The following NUTM2E variants were observed in gnomAD, a reference collection of about 807,000 sequenced individuals.
The protein encoded by NUTM2E is family with sequence similarity 22, member E.
Under a neutral mutation model 26.1 loss-of-function variants are expected in NUTM2E, and 3 were observed. The ratio of observed to expected loss-of-function variants is 0.12; its 90% CI spans 0.05 to 0.30. NUTM2E has a LOEUF of 0.30. Ranked by LOEUF, NUTM2E falls within the 10% of genes least tolerant of loss-of-function variation. NUTM2E has a pLI of 1.00. For missense variants in NUTM2E, 62 were observed against 381.3 expected (o/e 0.16, Z 6.97); for synonymous variants, 13 against 157.5 (o/e 0.08, Z 6.87).
rs1841989135 is a variant in NUTM2E, at chr10:79,840,003, A to G, written c.-1738A>G. On this transcript the variant is annotated 5_prime_UTR_variant, in exon 4 of 10. The change creates a new upstream start codon in the 5' untranslated region. Transcript: ENST00000429984. The stretch of plus-strand genomic sequence containing the variant: ...AATTAAGACAAGACACTTCCACAAT[A>G]TATTTTTTGTATCACTGGCTCAGAA... 6.7e-6 allele frequency among the ~76,000 whole-genome samples: 1 copy of G among 148,788 alleles called. No homozygotes were observed. Among genetic ancestry groups the G allele is most frequent in the East Asian group, 1.9e-4 (1 of 5,156 alleles).
intron 1 of NUTM2E, among the ~76,000 whole-genome samples, chr10:79,828,037 C>G (rs1031628965): frequency 6.6e-6 from 1 of 151,436 alleles, no homozygotes; most frequent in Non-Finnish European, 1.5e-5. Flanking sequence ...TTAGGTGATA[C>G]GCCCACCTCG....
rs1329305421 is a variant in NUTM2E at position 79,848,887 on chromosome 10, G to A, written c.1726G>A (p.Val576Ile). 1.2e-5 allele frequency: 6 copies of A among 495,562 alleles called. No homozygotes were observed. Among genetic ancestry groups the A allele is most frequent in the African/African-American group, 9.1e-5 (3 of 33,074 alleles). 30.7% of individuals were successfully genotyped at this position (495,562 alleles called of 1,614,324 possible). ...IDKLCSQKDFVTKVEAVIHPQ... is the reference protein window; with the variant it reads ...IDKLCSQKDFITKVEAVIHPQ... Reference sequence around the variant, plus strand: ...CAAGCTGTGTTCCCAGAAAGACTTCGTCACCAAGGTGGGCTGGCCTGGAGT... The same window carrying A: ...CAAGCTGTGTTCCCAGAAAGACTTCATCACCAAGGTGGGCTGGCCTGGAGT... Residue 576 changes from valine (V) to isoleucine (I), a missense_variant, in exon 8 of 10, where the codon GTC becomes ATC. Transcript: ENST00000429984.
At chr10:79,849,094 G>GT (rs1842038202) in intron 8 of NUTM2E, among the ~76,000 whole-genome samples, 199 bp downstream of exon 8, 1 of 108,802 alleles carries the variant, frequency 9.2e-6, no homozygotes, top group Admixed American at 8.7e-5. Flanking sequence ...CTGTGTAGGT[G>GT]TGAGTGTGGA....
chr10:79,828,181 A>C (rs886720705), intron 1 of NUTM2E, among the ~76,000 whole-genome samples: 6 of 151,800 alleles, frequency 4.0e-5, no homozygotes, highest in Non-Finnish European at 8.8e-5. Flanking sequence ...AAGGATATTG[A>C]AAATGATATA....
chr10:79,836,128 A>G (rs1389468341), intron 1 of NUTM2E, among the ~76,000 whole-genome samples: 6 of 151,510 alleles, frequency 4.0e-5, no homozygotes, highest in Admixed American at 3.3e-4. Flanking sequence ...GAAATAGCAT[A>G]TGTATTTGGT....
chr10:79,834,045 G>A (rs1050835426), intron 1 of NUTM2E, among the ~76,000 whole-genome samples: 1 of 151,786 alleles, frequency 6.6e-6, no homozygotes. Context: ...AAAAGAATGA[G>A]TTCATGTTCT....
chr10:79,850,429 G>C lies in NUTM2E; in HGVS notation c.2460G>C (p.Lys820Asn). The C allele has an allele frequency of 1.5e-6, 1 of 677,744 alleles. No individual in the cohort carries two copies. 42.0% of individuals were successfully genotyped at this position (677,744 alleles called of 1,614,324 possible). Residue 820 changes from lysine to asparagine, a missense_variant, in exon 10 of 10, where the codon AAG (lysine) becomes AAC (asparagine). Physicochemically the swap from Lys to Asn is moderately conservative, Grantham distance 94. Transcript: ENST00000429984. ...CTTCTCCTGCCAACAAGGCCAAGAAGCAACCTCTCTTTGGAAGCCTGTCCC... is the reference window on the plus strand; with the variant it reads ...CTTCTCCTGCCAACAAGGCCAAGAACCAACCTCTCTTTGGAAGCCTGTCCC... ...LAPSPANKAK[K>N]QPLFGSLSPA...
At position 79,834,214 on chromosome 10, in the gene NUTM2E, G is replaced by T. The variant is rs530900577; in HGVS notation, c.-2727-4095G>T. Among the ~76,000 whole-genome samples, 62 of 151,632 alleles carry T rather than the reference G, an allele frequency of 4.1e-4. 2 individuals carry two copies. Among genetic ancestry groups the T allele is most frequent in the Middle Eastern group, 3.4e-3 (1 of 292 alleles). ...CACACACTGGGGCCTGTCGCGGGGT[G>T]GGGGGCAAGGGGAGGGATAGCATTA... On this transcript the variant is annotated intron_variant, in intron 1 of 9. Coordinates refer to ENST00000429984, the MANE Select transcript of NUTM2E (RefSeq NM_001355263.2).
Position 79,838,815 on chromosome 10 carries a change from G to A in NUTM2E, c.-2414G>A, listed in dbSNP as rs1227466393. Among the ~76,000 whole-genome samples the A allele has an allele frequency of 1.7e-4, 26 of 151,698 alleles. No homozygotes were observed. Among genetic ancestry groups the A allele is most frequent in the East Asian group, 1.2e-3 (6 of 5,098 alleles). ...GAAGGACGCCATGAGAGCGAAGGCC[G>A]TTGGGTCACCGCCCTTTGCTCTCGC... On this transcript the variant is annotated 5_prime_UTR_variant, in exon 3 of 10. Coordinates refer to ENST00000429984, the MANE Select transcript of NUTM2E (RefSeq NM_001355263.2).
At chr10:79,834,733 A>G (rs1304355245) in intron 1 of NUTM2E, among the ~76,000 whole-genome samples, 1 of 150,036 alleles carries the variant, frequency 6.7e-6, no homozygotes, top group Non-Finnish European at 1.5e-5. Context: ...CACAGTTGTA[A>G]CCAGCCTAAA....
intron 2 of NUTM2E, among the ~76,000 whole-genome samples, 74 bp from the exon 3 acceptor site, chr10:79,838,706 C>T (rs554876385): frequency 8.3e-4 from 120 of 144,798 alleles, no homozygotes; most frequent in South Asian, 2.2e-3. Context: ...GGGGTCGCCC[C>T]GCGGACACTG....
Position 79,849,026 on chromosome 10 carries a change from T to C in NUTM2E, c.1734+131T>C, listed in dbSNP as rs565322117. 229 of 937,080 alleles carry C rather than the reference T, an allele frequency of 2.4e-4. 4 individuals are homozygous for C. The South Asian group carries it at 3.5e-3, about 14-fold the overall frequency. The allele number at this position is 937,080 out of a possible 1,614,324, so 58.0% of individuals were successfully genotyped here. The stretch of plus-strand genomic sequence containing the variant: ...CCATGGATTTGAGTGTCTGTGTATG[T>C]GATTGTGTGTGTCTGTGTGTTTGTG... On this transcript the variant is annotated intron_variant, in intron 8 of 9. Transcript: ENST00000429984.
chr10:79,832,315 C>T (rs1841932324), intron 1 of NUTM2E, among the ~76,000 whole-genome samples: 1 of 151,462 alleles, frequency 6.6e-6, no homozygotes, highest in Admixed American at 6.6e-5. Context: ...TGTGTGTGTG[C>T]ATGTGTGTGT....
At chr10:79,845,479 G>A (rs1374310891) in intron 5 of NUTM2E, among the ~76,000 whole-genome samples, 4 of 110,020 alleles carry the variant, frequency 3.6e-5, no homozygotes, top group African/African-American at 1.1e-4. Flanking sequence ...GAGATAACTT[G>A]AGCTCACATA....
At chr10:79,831,167 A>AT (rs1452189149) in intron 1 of NUTM2E, among the ~76,000 whole-genome samples, 1 of 151,860 alleles carries the variant, frequency 6.6e-6, no homozygotes, top group East Asian at 1.9e-4. Context: ...AATGAAGAGA[A>AT]TAAGTGAATT....
At chr10:79,836,726 A>G (rs1210121180) in intron 1 of NUTM2E, among the ~76,000 whole-genome samples, 3 of 151,938 alleles carry the variant, frequency 2.0e-5, no homozygotes, top group East Asian at 3.9e-4. Flanking sequence ...AGATTAATCT[A>G]TTACGTTTTG....
chr10:79,835,381 G>A (rs61862767), intron 1 of NUTM2E, among the ~76,000 whole-genome samples: 9,502 of 147,992 alleles, frequency 0.064, 581 homozygotes, highest in South Asian at 0.2. Flanking sequence ...ATTAATTGCC[G>A]TGGATTAGGA....
intron 1 of NUTM2E, among the ~76,000 whole-genome samples, chr10:79,830,145 C>T (rs1303979496): frequency 6.6e-6 from 1 of 151,472 alleles, no homozygotes; most frequent in Non-Finnish European, 1.5e-5. Flanking sequence ...AGGACTTAAT[C>T]TGAATAATCA....
In NUTM2E at chr10:79,840,308, G is replaced by A. The variant is rs1305824598; in HGVS notation, c.-1433G>A. Among the ~76,000 whole-genome samples the A allele has an allele frequency of 8.7e-6, 1 of 114,820 alleles. No individual in the cohort carries two copies. The highest frequency in any genetic ancestry group is 1.9e-5 in the Non-Finnish European group (1 of 53,900). 75.3% of individuals were successfully genotyped at this position (114,820 alleles called of 152,430 possible). ...CATGATTTTGCTTGAATTGCTCTCC[G>A]TTGATCTTCTCAGCTAAGATGGAGG... On this transcript the variant is annotated 5_prime_UTR_variant, in exon 4 of 10. Coordinates refer to ENST00000429984, the MANE Select transcript of NUTM2E (RefSeq NM_001355263.2).
Sources: allele counts gnomAD v4.1 joint callset (sites outside exome capture counted in the v4.1 genomes callset), GRCh38; gene constraint gnomAD v4.1.1; transcripts MANE v1.5; gene names NCBI Gene and HGNC (gene_info 2026-07-23, HGNC 2026-07-21).